MTCH2: variants seen among roughly 807,000 people sequenced by gnomAD.
MTCH2 encodes mitochondrial carrier homolog 2.
MTCH2 carries 25 observed loss-of-function variants against 50.6 expected under a neutral mutation model. The observed-to-expected ratio is 0.49, with a 90% confidence interval of 0.36 to 0.69. The LOEUF is 0.69. Ranked by LOEUF, MTCH2 falls within the 30% of genes least tolerant of loss-of-function variation. The pLI, the probability that MTCH2 is intolerant of heterozygous loss-of-function variation, is 0.00. For missense variants in MTCH2, 273 were observed against 384.4 expected (o/e 0.71, Z 2.42); for synonymous variants, 106 against 132.0 (o/e 0.80, Z 1.35).
chr11:47,635,653 G>C lies in MTCH2; in HGVS notation c.280-82C>G, dbSNP rs2097307844. On this transcript the variant is annotated intron_variant, in intron 3 of 12. Transcript: ENST00000302503. ...ACATAAAATGAAAACTCTACTGACAGAAAGTAAATTAGCTGAAGTTTTTTT... is the reference window on the plus strand; with the variant it reads ...ACATAAAATGAAAACTCTACTGACACAAAGTAAATTAGCTGAAGTTTTTTT... 5 of 1,339,656 alleles carry C rather than the reference G, an allele frequency of 3.7e-6. No individual in the cohort carries two copies. The Admixed American group carries it at 6.6e-5, about 18-fold the overall frequency. 83.0% of individuals were successfully genotyped at this position (1,339,656 alleles called of 1,614,324 possible).
chr11:47,609,107 A>G, the MTCH2 span, among the ~76,000 whole-genome samples: 1 of 132,068 alleles, frequency 7.6e-6, no homozygotes, highest in Non-Finnish European at 1.6e-5. Flanking sequence ...TGGGGTAACA[A>G]GAGCAAAACT....
intron 1 of MTCH2, among the ~76,000 whole-genome samples, chr11:47,641,623 G>C (rs1275007963): frequency 6.6e-6 from 1 of 152,180 alleles, no homozygotes; most frequent in African/African-American, 2.4e-5. Context: ...ACCTGCATGT[G>C]AATATAAAAT....
intron 1 of MTCH2, 91 bp from the exon 2 acceptor site, chr11:47,639,142 T>C: frequency 8.5e-7 from 1 of 1,171,116 alleles, no homozygotes; most frequent in Non-Finnish European, 1.2e-6. Context: ...CAATTTGGGT[T>C]ATTTTTAAAC....
At chr11:47,642,279 A>G in intron 1 of MTCH2, 100 bp downstream of exon 1, 3 of 1,007,018 alleles carry the variant, frequency 3.0e-6, no homozygotes, top group Non-Finnish European at 4.3e-6. Context: ...GCATCTCGGG[A>G]GAATGAAAGG....
downstream of MTCH2, among the ~76,000 whole-genome samples, chr11:47,615,966 CTTTATT>C (rs2097288158): frequency 6.6e-6 from 1 of 151,764 alleles, no homozygotes; most frequent in Admixed American, 6.6e-5. Context: ...CCCATACCTT[CTTTATT>C]TTTAAGATGC....
intron 1 of MTCH2, among the ~76,000 whole-genome samples, chr11:47,640,037 A>G (rs1357587988): frequency 6.6e-6 from 1 of 152,118 alleles, no homozygotes; most frequent in East Asian, 1.9e-4. Flanking sequence ...TGTCCTATTA[A>G]GTAACTCCTG....
rs771081012 is a variant in MTCH2, at chr11:47,628,828, T to C, written c.633+125A>G. 7.1e-4 allele frequency: 525 copies of C among 744,008 alleles called. 1 individual carries two copies. The highest frequency in any genetic ancestry group is 1.0e-3 in the Non-Finnish European group (457 of 449,404). 46.1% of individuals were successfully genotyped at this position (744,008 alleles called of 1,614,324 possible). ...CTTGATCTCAGGTGATCCGCCCACATTGGCCTCCCAAAGTGCTGGGATTAC... is the reference window on the plus strand; with the variant it reads ...CTTGATCTCAGGTGATCCGCCCACACTGGCCTCCCAAAGTGCTGGGATTAC... On this transcript the variant is annotated intron_variant, in intron 9 of 12. Transcript: ENST00000302503.
In MTCH2 at chr11:47,618,756, G is replaced by C; in HGVS notation, c.*77C>G. 1.0e-6 allele frequency: 1 copy of C among 970,468 alleles called. No homozygotes were observed. The highest frequency in any genetic ancestry group is 1.3e-6 in the Non-Finnish European group (1 of 773,046). The allele number at this position is 970,468 out of a possible 1,614,324, so 60.1% of individuals were successfully genotyped here. A position where few individuals can be genotyped will look rare whatever the true frequency, so the allele number is the denominator to read the frequency against. ...GATTATTAAAAAAGCGCGCCACACTGTATAGAAATCAACATTCTCTCCCAT... is the reference window on the plus strand; with the variant it reads ...GATTATTAAAAAAGCGCGCCACACTCTATAGAAATCAACATTCTCTCCCAT... On this transcript the variant is annotated 3_prime_UTR_variant, in exon 13 of 13. Transcript: ENST00000302503.
intron 12 of MTCH2, among the ~76,000 whole-genome samples, chr11:47,620,017 C>T (rs141494372): frequency 2.2e-4 from 33 of 152,256 alleles, no homozygotes; most frequent in African/African-American, 7.9e-4. Context: ...GTGAAGGTTG[C>T]AGTGAGCCAA....
the MTCH2 span, among the ~76,000 whole-genome samples, chr11:47,604,590 C>T: frequency 2.6e-5 from 4 of 152,106 alleles, no homozygotes; most frequent in Non-Finnish European, 5.9e-5. Context: ...ATAGCAATGA[C>T]GTGTTATTTA....
Position 47,631,705 on chromosome 11 carries a change from G to A in MTCH2, c.376C>T (p.Arg126Ter). Reference protein sequence around the residue: ...SFDHVIKETTREMIARSAATL... With the variant: ...SFDHVIKETT ...GCAGCAGAACGAGCGATCATCTCTC[G>A]AGTTGTCTAGAAACAATCAACACAC... Residue 126 changes from arginine (R) to a stop codon, truncating the protein, a stop_gained, in exon 6 of 13, where the codon CGA (arginine) becomes TGA (stop). Transcript: ENST00000302503. LOFTEE classifies it high-confidence loss of function. The A allele has an allele frequency of 1.2e-6, 2 of 1,614,052 alleles. No individual in the cohort carries two copies. The highest frequency in any genetic ancestry group is 1.3e-5 in the African/African-American group (1 of 75,038).
chr11:47,626,390 T>C (rs2097298212), intron 10 of MTCH2, among the ~76,000 whole-genome samples: 1 of 150,038 alleles, frequency 6.7e-6, no homozygotes, highest in Non-Finnish European at 1.5e-5. Context: ...CCCAGGCTGG[T>C]CTTGAACTCT....
intron 5 of MTCH2, 53 bp downstream of exon 5, chr11:47,634,619 C>T: frequency 7.3e-7 from 1 of 1,378,256 alleles, no homozygotes; most frequent in Non-Finnish European, 1.0e-6. Context: ...TCCATAGTTG[C>T]AACACCACAG....
chr11:47,628,867 C>T (rs2097300469), intron 9 of MTCH2, 86 bp downstream of exon 9: 2 of 1,250,200 alleles, frequency 1.6e-6, no homozygotes, highest in African/African-American at 1.5e-5. Flanking sequence ...TGTGAGCCAC[C>T]TCGCCCGGCC....
intron 1 of MTCH2, among the ~76,000 whole-genome samples, chr11:47,639,818 G>A (rs897131246): frequency 6.6e-6 from 1 of 151,762 alleles, no homozygotes; most frequent in African/African-American, 2.4e-5. Context: ...AGCCGAGGCC[G>A]ACAACAGCGA....
the MTCH2 span, among the ~76,000 whole-genome samples, chr11:47,609,607 A>G: frequency 1.4e-5 from 2 of 142,524 alleles, no homozygotes; most frequent in Admixed American, 1.4e-4. Context: ...AGCCTGGGTG[A>G]CAGAGCGAGA....
chr11:47,625,437 TA>T (rs34599253), intron 11 of MTCH2, among the ~76,000 whole-genome samples: 1 of 22,860 alleles, frequency 4.4e-5, no homozygotes, highest in Non-Finnish European at 1.0e-4. Context: ...AAAAAAAAAA[TA>T]ATAATAATAA....
rs571251596 is a variant in MTCH2 at position 47,632,417 on chromosome 11, G to A, written c.370-706C>T. 5.0e-3 allele frequency among the ~76,000 whole-genome samples: 749 copies of A among 150,960 alleles called. 3 individuals carry two copies. Among genetic ancestry groups the A allele is most frequent in the Non-Finnish European group, 8.6e-3 (583 of 67,830 alleles). On this transcript the variant is annotated intron_variant, in intron 5 of 12. Transcript: ENST00000302503. The stretch of plus-strand genomic sequence containing the variant: ...CACCCACGCTGGAGTGCAGTGGCGC[G>A]AACTCGGTTCACTGCAAGCTCCGCC...
the MTCH2 span, among the ~76,000 whole-genome samples, chr11:47,606,861 T>C: frequency 6.6e-6 from 1 of 152,058 alleles, no homozygotes; most frequent in Admixed American, 6.6e-5. Context: ...ATGTGAAGAG[T>C]TTATCAGCCA....
Sources: gnomAD v4.1 joint callset for allele counts (sites outside exome capture counted in the v4.1 genomes callset) on GRCh38, gnomAD v4.1.1 for gene constraint, MANE v1.5 for transcripts, NCBI Gene and HGNC (gene_info 2026-07-23, HGNC 2026-07-21) for gene names.